The following CELF2 variants were observed in gnomAD, a reference collection of about 807,000 sequenced individuals.
CELF2 encodes the protein CUGBP Elav-like family member 2, also known as CUG triplet repeat RNA-binding protein 2.
Under a neutral mutation model 62.6 loss-of-function variants are expected in CELF2, and 8 were observed. That is an observed-to-expected ratio of 0.13 (90% CI 0.07 to 0.23). The LOEUF (loss-of-function observed/expected upper bound fraction) is 0.23. Among genes scored for constraint, CELF2 ranks in the 10% least tolerant of loss-of-function variants. The pLI, the probability that CELF2 is intolerant of heterozygous loss-of-function variation, is 1.00. For missense variants in CELF2, 333 were observed against 671.0 expected, an observed-to-expected ratio of 0.50 and a Z score of 5.56; for synonymous variants, 258 against 250.0, an observed-to-expected ratio of 1.03 and a Z score of -0.30.
chr10:10,466,923 T>C, the CELF2 span, among the ~76,000 whole-genome samples: 2 of 152,062 alleles, frequency 1.3e-5, no homozygotes, highest in Non-Finnish European at 1.5e-5. Context: ...GAGTTATTTT[T>C]TCTCCTGGAT....
intron 2 of CELF2, among the ~76,000 whole-genome samples, chr10:11,188,266 T>C (rs958951245): frequency 2.0e-5 from 3 of 152,244 alleles, no homozygotes; most frequent in Admixed American, 2.0e-4. Context: ...CCACCACACC[T>C]GGCTAATTTT....
chr10:10,580,740 C>A, the CELF2 span, among the ~76,000 whole-genome samples: 5 of 152,180 alleles, frequency 3.3e-5, no homozygotes, highest in East Asian at 5.8e-4. Flanking sequence ...CAAGCTTTCT[C>A]CTCTTGGCAG....
chr10:10,621,589 T>A, the CELF2 span, among the ~76,000 whole-genome samples: 1 of 152,108 alleles, frequency 6.6e-6, no homozygotes, highest in Non-Finnish European at 1.5e-5. Context: ...CCCACATAAG[T>A]CACCTACCAT....
chr10:10,571,733 C>G, the CELF2 span, among the ~76,000 whole-genome samples: 1 of 152,084 alleles, frequency 6.6e-6, no homozygotes, highest in African/African-American at 2.4e-5. Context: ...ACAGCAGATT[C>G]TTGCAGTAGA....
chr10:10,497,164 G>A, the CELF2 span, among the ~76,000 whole-genome samples: 5 of 147,218 alleles, frequency 3.4e-5, no homozygotes, highest in East Asian at 2.0e-4. Flanking sequence ...CAGCTTGGGC[G>A]ACAGAGCAAC....
rs573212234 is a variant in CELF2 at position 10,938,273 on chromosome 10, G to A, written c.89+18274G>A. 6.6e-6 allele frequency among the ~76,000 whole-genome samples: 1 copy of A among 152,284 alleles called. No homozygotes were observed. The highest frequency in any genetic ancestry group is 6.5e-5 in the Admixed American group (1 of 15,296). ...TTGATTCAAGGTATTATATTATTTT[G>A]CAGTATAGGAAATGTTATTTAGATT... On this transcript the variant is annotated intron_variant, in intron 2 of 13. Transcript: ENST00000636488. This position sits in a 1 kb window ranked among gnomAD's most constrained non-coding sequence, Gnocchi z 4.2.
the CELF2 span, among the ~76,000 whole-genome samples, chr10:10,773,621 T>C: frequency 6.6e-6 from 1 of 152,240 alleles, no homozygotes; most frequent in Admixed American, 6.5e-5. Context: ...TTGAGTGGTA[T>C]TTCAACACTG....
At chr10:10,976,461 G>A (rs544133617) in intron 2 of CELF2, among the ~76,000 whole-genome samples, 49 of 152,094 alleles carry the variant, frequency 3.2e-4, no homozygotes, top group Middle Eastern at 3.4e-3. Flanking sequence ...CTCATTTCAC[G>A]TCAGGCTTGG....
At chr10:10,641,754 A>C in the CELF2 span, among the ~76,000 whole-genome samples, 1 of 152,122 alleles carries the variant, frequency 6.6e-6, no homozygotes, top group Non-Finnish European at 1.5e-5. Flanking sequence ...CAGCCTATGG[A>C]GGTTTTAAAA....
the CELF2 span, among the ~76,000 whole-genome samples, chr10:10,612,367 C>A: frequency 4.6e-5 from 7 of 152,206 alleles, no homozygotes; most frequent in African/African-American, 1.7e-4. Flanking sequence ...ACCACACACA[C>A]AAATAAATCT....
rs1214035863 is a variant in CELF2, at chr10:11,268,422, CAGAG to C, written c.618+1748_618+1751del. ...CCCTTGGAGCCCCCCCAGTAATGCT[CAGAG>C]AGCCACGGACAACCCACGGGAGACC... On this transcript the variant is annotated intron_variant, in intron 6 of 12. Coordinates refer to ENST00000633077, the MANE Select transcript of CELF2 (RefSeq NM_001326342.2). This position sits in a 1 kb window ranked among gnomAD's most constrained non-coding sequence, Gnocchi z 4.7. Among the ~76,000 whole-genome samples, 2 of 152,080 alleles carry C rather than the reference CAGAG, an allele frequency of 1.3e-5. No homozygotes were observed. The highest frequency in any genetic ancestry group is 2.9e-5 in the Non-Finnish European group (2 of 68,012).
intron 1 of CELF2, among the ~76,000 whole-genome samples, chr10:10,893,051 C>T (rs955428616): frequency 3.9e-5 from 6 of 151,974 alleles, no homozygotes; most frequent in Non-Finnish European, 7.4e-5. Context: ...TTGTGGACAC[C>T]CTGGATAACA....
At chr10:11,128,535 T>C (rs555666165) in intron 1 of CELF2, among the ~76,000 whole-genome samples, 2 of 152,366 alleles carry the variant, frequency 1.3e-5, no homozygotes, top group East Asian at 3.9e-4. Flanking sequence ...CATTTGTTTG[T>C]GTCCTCTTTT....
the CELF2 span, among the ~76,000 whole-genome samples, chr10:10,574,407 A>G: frequency 6.6e-6 from 1 of 152,152 alleles, no homozygotes; most frequent in African/African-American, 2.4e-5. Flanking sequence ...TGCCTACTCC[A>G]CAGGTTAAGG....
chr10:11,138,814 T>C lies in CELF2; in HGVS notation c.75-26672T>C, dbSNP rs147654542. Among the ~76,000 whole-genome samples the C allele has an allele frequency of 1.8e-3, 268 of 152,314 alleles. 1 individual carries two copies. Among genetic ancestry groups the C allele is most frequent in the African/African-American group, 6.2e-3 (256 of 41,556 alleles). ...CTAAACAATTTATAATGATGTAAGA[T>C]GGAACCTTGGGTGCTGTGACTGAAA... On this transcript the variant is annotated intron_variant, in intron 1 of 12. Coordinates refer to ENST00000633077, the MANE Select transcript of CELF2 (RefSeq NM_001326342.2).
At chr10:10,701,488 T>C in the CELF2 span, among the ~76,000 whole-genome samples, 18 of 152,278 alleles carry the variant, frequency 1.2e-4, no homozygotes, top group Non-Finnish European at 1.8e-4. Context: ...CTGTAAGTCT[T>C]GGTTACAATG....
At chr10:10,759,549 A>G in the CELF2 span, among the ~76,000 whole-genome samples, 1 of 151,754 alleles carries the variant, frequency 6.6e-6, no homozygotes, top group Admixed American at 6.6e-5. Flanking sequence ...ACCTCAGGTG[A>G]TCACCCGCCT....
At chr10:11,078,884 TC>T (rs370298852) in intron 1 of CELF2, among the ~76,000 whole-genome samples, 16 of 152,210 alleles carry the variant, frequency 1.1e-4, no homozygotes, top group African/African-American at 3.9e-4. Context: ...ATCATGCTGC[TC>T]CCTTCTTCAG....
intron 2 of CELF2, among the ~76,000 whole-genome samples, chr10:10,998,409 G>T (rs890360519): frequency 3.3e-5 from 5 of 152,126 alleles, no homozygotes; most frequent in Non-Finnish European, 4.4e-5. Flanking sequence ...TAGAGCATTT[G>T]CCATATTTAC....
Sources: gnomAD v4.1 joint callset for allele counts (sites outside exome capture counted in the v4.1 genomes callset) on GRCh38, gnomAD v4.1.1 for gene constraint, Gnocchi (gnomAD v3.1) non-coding constraint, MANE v1.5 for transcripts, NCBI Gene and HGNC (gene_info 2026-07-23, HGNC 2026-07-21) for gene names.